EXOC6: variants seen among roughly 807,000 people sequenced by gnomAD.
EXOC6 encodes exocyst complex component 6.
A neutral mutation model predicts 112.5 loss-of-function variants in EXOC6; 60 were observed. The observed-to-expected ratio is 0.53, with a 90% confidence interval of 0.43 to 0.66. The LOEUF (loss-of-function observed/expected upper bound fraction) is 0.66. Ranked by LOEUF, EXOC6 falls within the 30% of genes least tolerant of loss-of-function variation. The probability of loss-of-function intolerance (pLI) is 0.00; values close to 1 mark genes in which losing one functional copy is unlikely to be tolerated. For missense variants in EXOC6, 855 were observed against 957.1 expected (o/e 0.89, Z 1.41); for synonymous variants, 295 against 308.0 (o/e 0.96, Z 0.44).
intron 8 of EXOC6, among the ~76,000 whole-genome samples, chr10:92,925,661 G>C (rs1467686407): frequency 1.3e-5 from 2 of 151,488 alleles, no homozygotes; most frequent in South Asian, 4.2e-4. Context: ...TGTTGTTATT[G>C]TTTGTTTGTT....
chr10:92,967,119 C>T (rs987873797), intron 17 of EXOC6, among the ~76,000 whole-genome samples: 4 of 151,668 alleles, frequency 2.6e-5, no homozygotes, highest in Admixed American at 6.6e-5. Flanking sequence ...ATCCTTCGCC[C>T]ACTTTTTGAT....
Position 92,982,658 on chromosome 10 carries a change from A to G in EXOC6, c.1953+8426A>G, listed in dbSNP as rs530247054. ...GCTCAATAATAAGATTAAAACTATT[A>G]TAGTAGAAACTTCTTTCAAGATGGG... is the stretch of plus-strand genomic sequence containing the variant. On this transcript the variant is annotated intron_variant, in intron 18 of 21. Coordinates refer to ENST00000260762, the MANE Select transcript of EXOC6 (RefSeq NM_019053.6). Among the ~76,000 whole-genome samples, 12 of 152,348 alleles carry G rather than the reference A, an allele frequency of 7.9e-5. No individual in the cohort carries two copies. The South Asian group carries it at 1.5e-3, about 18-fold the overall frequency.
chr10:92,859,932 G>C (rs1847826673), intron 1 of EXOC6, among the ~76,000 whole-genome samples: 1 of 151,930 alleles, frequency 6.6e-6, no homozygotes, highest in African/African-American at 2.4e-5. Context: ...AGGTACAACT[G>C]TGAGTCCTTA....
intron 6 of EXOC6, among the ~76,000 whole-genome samples, chr10:92,914,211 G>A (rs1325879017): frequency 1.3e-5 from 2 of 152,146 alleles, no homozygotes; most frequent in Non-Finnish European, 2.9e-5. Context: ...TGTGCATGCG[G>A]GGCATCTAGG....
upstream of EXOC6, among the ~76,000 whole-genome samples, chr10:92,834,092 A>C (rs1011509672): frequency 6.6e-6 from 1 of 152,202 alleles, no homozygotes; most frequent in African/African-American, 2.4e-5. Flanking sequence ...TGAACAAGAG[A>C]TAAAAGAACT....
intron 17 of EXOC6, among the ~76,000 whole-genome samples, chr10:92,971,439 A>G (rs1036154128): frequency 6.6e-6 from 1 of 150,950 alleles, no homozygotes; most frequent in African/African-American, 2.4e-5. Context: ...CAGTGGCACC[A>G]TCTTGGCTCA....
At chr10:92,936,971 C>A (rs1325969108) in intron 12 of EXOC6, among the ~76,000 whole-genome samples, 1 of 151,956 alleles carries the variant, frequency 6.6e-6, no homozygotes, top group Non-Finnish European at 1.5e-5. Context: ...TCATCCTATT[C>A]CCCCCTGGAT....
chr10:92,998,628 C>CCACA (rs55823754), intron 19 of EXOC6, among the ~76,000 whole-genome samples: 36,332 of 141,260 alleles, frequency 0.26, 5,149 homozygotes, highest in East Asian at 0.6. Context: ...CTGTTGCACA[C>CCACA]CACACACACA....
intron 4 of EXOC6, among the ~76,000 whole-genome samples, chr10:92,896,163 ATATATATATATATATATATT>A (rs1849782898): frequency 4.6e-5 from 1 of 21,518 alleles, no homozygotes; most frequent in Non-Finnish European, 7.3e-5. Flanking sequence ...ATATATATAT[ATATATATATATATATATATT>A]TTTTTTTTTT....
chr10:93,049,096 C>T (rs55861552), intron 20 of EXOC6, among the ~76,000 whole-genome samples: 3 of 149,990 alleles, frequency 2.0e-5, no homozygotes, highest in Non-Finnish European at 4.4e-5. Context: ...CTCGCTCTGT[C>T]GCCCAGGCTG....
At position 93,059,266 on chromosome 10, in the gene EXOC6, C is replaced by G. The variant is rs1195885847; in HGVS notation, c.*911C>G. On this transcript the variant is annotated 3_prime_UTR_variant, in exon 22 of 22. Coordinates refer to ENST00000260762, the MANE Select transcript of EXOC6 (RefSeq NM_019053.6). ...CAAATGAACTCTGGAAAACCTAAAA[C>G]AAATGTACATTTTCCTTTGTGTATG... 3 of 152,176 alleles carry G rather than the reference C, an allele frequency of 2.0e-5. No homozygotes were observed. The highest frequency in any genetic ancestry group is 7.2e-5 in the African/African-American group (3 of 41,440). 9.4% of individuals were successfully genotyped at this position (152,176 alleles called of 1,614,324 possible).
chr10:92,886,643 A>G (rs1396804604), intron 1 of EXOC6, among the ~76,000 whole-genome samples: 3 of 152,258 alleles, frequency 2.0e-5, no homozygotes, highest in Non-Finnish European at 4.4e-5. Flanking sequence ...CTCTGTTACT[A>G]TATGACTTCA....
At chr10:93,003,284 T>C (rs1189237524) in intron 19 of EXOC6, among the ~76,000 whole-genome samples, 1 of 152,138 alleles carries the variant, frequency 6.6e-6, no homozygotes, top group Admixed American at 6.5e-5. Context: ...CATCTAGATG[T>C]AGTGGGGGAG....
At chr10:92,899,919 A>G (rs1039513463) in intron 5 of EXOC6, 4 of 329,916 alleles carry the variant, frequency 1.2e-5, no homozygotes, top group Admixed American at 9.4e-5. Context: ...TAGCTTACCA[A>G]CATACTAATA....
intron 19 of EXOC6, among the ~76,000 whole-genome samples, chr10:93,005,239 G>A (rs2134204629): frequency 6.6e-6 from 1 of 152,258 alleles, no homozygotes; most frequent in East Asian, 1.9e-4. Flanking sequence ...TAACCATCAT[G>A]CTAGTATAAC....
chr10:92,843,923 G>T (rs1846952195), upstream of EXOC6, among the ~76,000 whole-genome samples: 2 of 143,012 alleles, frequency 1.4e-5, no homozygotes, highest in Non-Finnish European at 3.0e-5. Context: ...GCTGCAGTGA[G>T]CCGAGACTGC....
intron 18 of EXOC6, among the ~76,000 whole-genome samples, chr10:92,975,767 A>G (rs1400942078): frequency 7.9e-6 from 1 of 126,462 alleles, no homozygotes; most frequent in East Asian, 2.5e-4. Flanking sequence ...CCGCCGGGCC[A>G]GCCGCCCCAT....
At chr10:92,842,305 G>A (rs1012597327) in intron 1 of EXOC6, among the ~76,000 whole-genome samples, 3 of 149,410 alleles carry the variant, frequency 2.0e-5, no homozygotes, top group Non-Finnish European at 4.4e-5. Context: ...GTTGCAGTGA[G>A]CTGAGATCAC....
chr10:92,872,070 ATTTCT>A (rs1848476915), intron 1 of EXOC6, among the ~76,000 whole-genome samples: 1 of 150,636 alleles, frequency 6.6e-6, no homozygotes, highest in African/African-American at 2.4e-5. Context: ...GATTCTTTCC[ATTTCT>A]TTTATTCTTT....
Sources: allele counts gnomAD v4.1 joint callset (sites outside exome capture counted in the v4.1 genomes callset), GRCh38; gene constraint gnomAD v4.1.1; transcripts MANE v1.5; gene names NCBI Gene and HGNC (gene_info 2026-07-23, HGNC 2026-07-21).